ENTREP2: variants seen among roughly 807,000 people sequenced by gnomAD.
The protein encoded by ENTREP2 is endosomal transmembrane epsin interactor 2, also known as protein ENTREP2.
At chr15:29,161,482 G>T in the ENTREP2 span, among the ~76,000 whole-genome samples, 1 of 152,140 alleles carries the variant, frequency 6.6e-6, no homozygotes, top group East Asian at 1.9e-4. Flanking sequence ...CTTTTTGCCA[G>T]GAAAGTAACA....
At chr15:29,195,958 AATAAT>A in the ENTREP2 span, among the ~76,000 whole-genome samples, 1 of 152,228 alleles carries the variant, frequency 6.6e-6, no homozygotes, top group African/African-American at 2.4e-5. Flanking sequence ...GAAAAAATAA[AATAAT>A]ATAAACAATT....
chr15:29,269,661 G>A, the ENTREP2 span: 1 of 1,563,998 alleles, frequency 6.4e-7, no homozygotes, highest in East Asian at 2.6e-5. Context: ...TGTCCCTCTC[G>A]GCCTGGCCGC....
At chr15:29,212,309 T>C in the ENTREP2 span, among the ~76,000 whole-genome samples, 2 of 152,188 alleles carry the variant, frequency 1.3e-5, no homozygotes, top group Admixed American at 1.3e-4. Flanking sequence ...GTTTCAGTGG[T>C]GTCAGTTGTA....
chr15:29,510,999 A>G, the ENTREP2 span, among the ~76,000 whole-genome samples: 9,546 of 152,054 alleles, frequency 0.063, 358 homozygotes, highest in Non-Finnish European at 0.073. Flanking sequence ...ATGAGAACAT[A>G]TGGGCACAGG....
chr15:29,663,887 G>T, the ENTREP2 span, among the ~76,000 whole-genome samples: 1 of 152,034 alleles, frequency 6.6e-6, no homozygotes, highest in African/African-American at 2.4e-5. Context: ...AATTAGCTGC[G>T]CATGATGGTG....
chr15:29,289,974 G>A, the ENTREP2 span, among the ~76,000 whole-genome samples: 5 of 152,088 alleles, frequency 3.3e-5, no homozygotes, highest in African/African-American at 9.7e-5. Context: ...TGTATACGAC[G>A]AAACACTGTA....
chr15:29,268,634 T>G, the ENTREP2 span: 1 of 617,842 alleles, frequency 1.6e-6, no homozygotes, highest in East Asian at 3.0e-5. Context: ...TAACACAACA[T>G]TAAAAAAACA....
the ENTREP2 span, among the ~76,000 whole-genome samples, chr15:29,393,850 A>C: frequency 6.6e-6 from 1 of 152,208 alleles, no homozygotes; most frequent in African/African-American, 2.4e-5. Flanking sequence ...TTATTTATTT[A>C]CTCTTTTAGC....
chr15:29,615,435 T>C, the ENTREP2 span, among the ~76,000 whole-genome samples: 93 of 152,236 alleles, frequency 6.1e-4, 1 homozygote, highest in African/African-American at 2.2e-3. Flanking sequence ...GGATTAGACG[T>C]GAGCCACAAC....
At chr15:29,179,377 A>C in the ENTREP2 span, among the ~76,000 whole-genome samples, 1 of 152,224 alleles carries the variant, frequency 6.6e-6, no homozygotes, top group Non-Finnish European at 1.5e-5. Context: ...ATTTAGGAAG[A>C]CTTAGTGAAT....
At chr15:29,642,827 T>A in the ENTREP2 span, among the ~76,000 whole-genome samples, 1 of 152,226 alleles carries the variant, frequency 6.6e-6, no homozygotes, top group Admixed American at 6.5e-5. Flanking sequence ...CTGGCCAGGA[T>A]GATCTCGATC....
At chr15:29,190,634 G>A in the ENTREP2 span, among the ~76,000 whole-genome samples, 1 of 152,268 alleles carries the variant, frequency 6.6e-6, no homozygotes, top group South Asian at 2.1e-4. Flanking sequence ...CAAGTAGTTG[G>A]ACAAATCTCA....
the ENTREP2 span, among the ~76,000 whole-genome samples, chr15:29,262,496 A>C: frequency 6.6e-6 from 1 of 152,216 alleles, no homozygotes; most frequent in South Asian, 2.1e-4. Context: ...TATGTAATGA[A>C]GCTTCCATAA....
the ENTREP2 span, among the ~76,000 whole-genome samples, chr15:29,155,000 C>T: frequency 5.9e-5 from 9 of 152,232 alleles, no homozygotes; most frequent in Admixed American, 3.9e-4. Flanking sequence ...TAGGCAGAAC[C>T]GGCCGGGCGT....
At chr15:29,574,027 G>A in the ENTREP2 span, among the ~76,000 whole-genome samples, 4 of 152,114 alleles carry the variant, frequency 2.6e-5, no homozygotes, top group African/African-American at 9.7e-5. Flanking sequence ...AGAATGAAAG[G>A]GAAGGGAGGA....
At chr15:29,137,150 A>G in the ENTREP2 span, 1 of 1,481,470 alleles carries the variant, frequency 6.8e-7, no homozygotes, top group Non-Finnish European at 8.9e-7. Context: ...TGCCGTGAGG[A>G]GTCACGCAGG....
chr15:29,211,450 G>A, the ENTREP2 span, among the ~76,000 whole-genome samples: 2,352 of 152,282 alleles, frequency 0.015, 20 homozygotes, highest in Non-Finnish European at 0.025. Context: ...AGGACAAATC[G>A]TTTTCAGAAT....
At chr15:29,362,704 G>A in the ENTREP2 span, among the ~76,000 whole-genome samples, 20 of 151,908 alleles carry the variant, frequency 1.3e-4, no homozygotes, top group Admixed American at 8.5e-4. Flanking sequence ...ATTCTAGCTC[G>A]CTGTCACTTG....
chr15:29,657,483 C>CG, the ENTREP2 span, among the ~76,000 whole-genome samples: 3,810 of 68,986 alleles, frequency 0.055, 336 homozygotes, highest in Non-Finnish European at 0.068. Flanking sequence ...GCTGGGGGGG[C>CG]GGGGGGGGGG....
Sources: allele counts gnomAD v4.1 joint callset (sites outside exome capture counted in the v4.1 genomes callset), GRCh38; gene constraint gnomAD v4.1.1; transcripts MANE v1.5; gene names NCBI Gene and HGNC (gene_info 2026-07-23, HGNC 2026-07-21).